The following NEURL1B variants were observed in gnomAD, a reference collection of about 807,000 sequenced individuals.
NEURL1B encodes the protein E3 ubiquitin-protein ligase NEURL1B.
A neutral mutation model predicts 37.4 loss-of-function variants in NEURL1B; 13 were observed. That is an observed-to-expected ratio of 0.35 (90% CI 0.23 to 0.55). The LOEUF (loss-of-function observed/expected upper bound fraction) is 0.55, where lower values mean the gene tolerates loss of function less well. Ranked by LOEUF, NEURL1B falls within the 20% of genes least tolerant of loss-of-function variation. The pLI, the probability that NEURL1B is intolerant of heterozygous loss-of-function variation, is 0.89. For synonymous variants in NEURL1B, 432 were observed against 426.6 expected, an observed-to-expected ratio of 1.01 and a Z score of -0.16; for missense variants, 790 against 879.2, an observed-to-expected ratio of 0.90 and a Z score of 1.28.
At chr5:172,660,794 T>G (rs1042709006) in intron 1 of NEURL1B, among the ~76,000 whole-genome samples, 1 of 152,132 alleles carries the variant, frequency 6.6e-6, no homozygotes, top group African/African-American at 2.4e-5. Flanking sequence ...TGCCCGCCAC[T>G]ACACCCGACT....
In NEURL1B at chr5:172,683,724, G is replaced by T; in HGVS notation, c.883G>T (p.Asp295Tyr). ...CGGGCCCGACGTGAGCCTGTCGGCC[G>T]ACCGCAAAGTGGCCTGCGCACCGCG... is the stretch of plus-strand genomic sequence containing the variant. ...TRGPDVSLSA[D>Y]RKVACAPRPD... The change falls in exon 3 of 5, where the codon GAC becomes TAC. Residue 295 changes from aspartate (D) to tyrosine (Y), a missense_variant. Around this residue, in one of 3 missense-constraint regions of NEURL1B, gnomAD observed 460 missense variants for 407.4 expected, o/e 1.13. Transcript: ENST00000369800. This position sits in a 1 kb window ranked among gnomAD's most constrained non-coding sequence, Gnocchi z 5.6. The T allele has an allele frequency of 7.4e-7, 1 of 1,357,272 alleles. No homozygotes were observed. Among genetic ancestry groups the T allele is most frequent in the South Asian group, 1.5e-5 (1 of 68,590 alleles). The allele number at this position is 1,357,272 out of a possible 1,614,324, so 84.1% of individuals were successfully genotyped here. A position where few individuals can be genotyped will look rare whatever the true frequency, so the allele number is the denominator to read the frequency against.
chr5:172,670,419 T>A, intron 2 of NEURL1B, 89 bp downstream of exon 2: 1 of 1,079,758 alleles, frequency 9.3e-7, no homozygotes, highest in Non-Finnish European at 1.2e-6. Flanking sequence ...CAGTCACTTA[T>A]GGAGAGCTCC....
chr5:172,674,884 G>A (rs1758201513), intron 2 of NEURL1B, among the ~76,000 whole-genome samples: 1 of 152,086 alleles, frequency 6.6e-6, no homozygotes, highest in African/African-American at 2.4e-5. Context: ...TCCCATGAAT[G>A]TATCTTTTGG....
intron 1 of NEURL1B, among the ~76,000 whole-genome samples, chr5:172,645,639 G>A (rs1019599363): frequency 4.6e-5 from 7 of 152,068 alleles, no homozygotes; most frequent in Non-Finnish European, 7.4e-5. Context: ...ACAACTTCAC[G>A]TTCACTTGGG....
intron 2 of NEURL1B, among the ~76,000 whole-genome samples, chr5:172,682,335 G>A (rs908943022): frequency 6.6e-5 from 10 of 152,208 alleles, no homozygotes; most frequent in African/African-American, 2.4e-4. Context: ...AGCACTTTGG[G>A]AGGCCAAGGT....
chr5:172,643,966 G>GAAC (rs1462692574), intron 1 of NEURL1B, among the ~76,000 whole-genome samples: 1 of 151,792 alleles, frequency 6.6e-6, no homozygotes, highest in African/African-American at 2.4e-5. Context: ...AGGCTTCCTT[G>GAAC]GGGTCTCTGC....
chr5:172,651,402 A>G (rs534752732), intron 1 of NEURL1B, among the ~76,000 whole-genome samples: 1 of 152,336 alleles, frequency 6.6e-6, no homozygotes, highest in South Asian at 2.1e-4. Context: ...TGAGGGTATT[A>G]TTCCTTTCCA....
intron 1 of NEURL1B, among the ~76,000 whole-genome samples, chr5:172,643,988 G>T (rs1757516043): frequency 6.6e-6 from 1 of 151,814 alleles, no homozygotes; most frequent in South Asian, 2.1e-4. Context: ...TGAACGAGGG[G>T]CCTGCTGTTG....
chr5:172,648,363 A>G (rs1460108849), intron 1 of NEURL1B, among the ~76,000 whole-genome samples: 1 of 152,204 alleles, frequency 6.6e-6, no homozygotes, highest in African/African-American at 2.4e-5. Flanking sequence ...CTCAAGGGAG[A>G]CAGACACAAA....
At chr5:172,684,279 G>C in intron 3 of NEURL1B, 141 bp downstream of exon 3, 1 of 725,576 alleles carries the variant, frequency 1.4e-6, no homozygotes, top group Non-Finnish European at 1.8e-6. Flanking sequence ...CCAACTTTAA[G>C]CGCCCGGGCA....
intron 2 of NEURL1B, among the ~76,000 whole-genome samples, chr5:172,682,677 G>C (rs1302833555): frequency 6.6e-6 from 1 of 152,234 alleles, no homozygotes; most frequent in Non-Finnish European, 1.5e-5. Flanking sequence ...CCAGGGCCAG[G>C]CACTGTGCTC....
chr5:172,641,427 G>C lies in NEURL1B; in HGVS notation c.21G>C (p.Arg7=). The C allele has an allele frequency of 7.5e-7, 1 of 1,337,272 alleles. No homozygotes were observed. The highest frequency in any genetic ancestry group is 9.6e-7 in the Non-Finnish European group (1 of 1,047,004). 82.8% of individuals were successfully genotyped at this position (1,337,272 alleles called of 1,614,324 possible). A position where few individuals can be genotyped will look rare whatever the true frequency, so the allele number is the denominator to read the frequency against. ...CAGCGATGGGCAACACGGTGCACCG[G>C]ACCCTGCCAGGTACGCCGGGGAGCC... MGNTVH[R]TLPDPSPPAR... Residue 7 remains arginine (R), a synonymous_variant, in exon 1 of 5, where the codon CGG becomes CGC. Coordinates refer to ENST00000369800, the MANE Select transcript of NEURL1B (RefSeq NM_001142651.3). The surrounding 1 kb of genome is among the most constrained non-coding windows in gnomAD (Gnocchi z 6.4).
At chr5:172,660,071 G>A (rs781521578) in intron 1 of NEURL1B, among the ~76,000 whole-genome samples, 24 of 152,106 alleles carry the variant, frequency 1.6e-4, no homozygotes, top group South Asian at 4.1e-4. Context: ...GCCCAGAGCA[G>A]ATGCTCTGTA....
chr5:172,686,917 AG>A lies in NEURL1B; in HGVS notation c.1662del (p.Arg554SerfsTer18), dbSNP rs1311550607. 2 of 1,547,048 alleles carry A rather than the reference AG, an allele frequency of 1.3e-6. No individual in the cohort carries two copies. The highest frequency in any genetic ancestry group is 1.7e-6 in the Non-Finnish European group (2 of 1,144,068). ...CATCAAGGACGTCATTAAGATCTAC[AG>A]GCCATAGCCTAGCCTGCCCACGGGC... ...RPIKDVIKIY[R>X]P On this transcript the variant is annotated frameshift_variant, in exon 5 of 5. Transcript: ENST00000369800. LOFTEE classifies it high-confidence loss of function. This position sits in a 1 kb window ranked among gnomAD's most constrained non-coding sequence, Gnocchi z 7.9.
chr5:172,659,356 C>T (rs1474133320), intron 1 of NEURL1B, among the ~76,000 whole-genome samples: 2 of 152,124 alleles, frequency 1.3e-5, no homozygotes, highest in Non-Finnish European at 2.9e-5. Flanking sequence ...TGGGCACCAC[C>T]CAGGCTGGGG....
intron 1 of NEURL1B, among the ~76,000 whole-genome samples, chr5:172,663,093 C>T (rs1257580654): frequency 1.7e-5 from 2 of 119,898 alleles, no homozygotes; most frequent in Non-Finnish European, 3.6e-5. Flanking sequence ...ACACACCTGT[C>T]GTCCTAGCTA....
chr5:172,667,275 T>TAAA lies in NEURL1B; in HGVS notation c.32-2491_32-2489dup, dbSNP rs55663413. 5.9e-4 allele frequency among the ~76,000 whole-genome samples: 43 copies of TAAA among 72,284 alleles called. 3 individuals are homozygous for TAAA. The highest frequency in any genetic ancestry group is 9.9e-4 in the South Asian group (2 of 2,026). The allele number at this position is 72,284 out of a possible 152,430, so 47.4% of individuals were successfully genotyped here. ...CAACATGGTGAAACCCTGTCTCTAC[T>TAAA]AAAAAAAAAAAAAAAAAAAAATTAG... On this transcript the variant is annotated intron_variant, in intron 1 of 4. Transcript: ENST00000369800.
In NEURL1B at chr5:172,688,037, G is replaced by C. The variant is rs770846009; in HGVS notation, c.*1112G>C. Reference sequence around the variant, plus strand: ...CTGATAAGTATGTTAACTAATGATCGAGACAGTAACGAAAAATGCTGGCAC... The same window carrying C: ...CTGATAAGTATGTTAACTAATGATCCAGACAGTAACGAAAAATGCTGGCAC... On this transcript the variant is annotated 3_prime_UTR_variant, in exon 5 of 5. Coordinates refer to ENST00000369800, the MANE Select transcript of NEURL1B (RefSeq NM_001142651.3). This position sits in a 1 kb window ranked among gnomAD's most constrained non-coding sequence, Gnocchi z 4.3. 6.5e-6 allele frequency: 1 copy of C among 152,690 alleles called. No homozygotes were observed. The highest frequency in any genetic ancestry group is 1.5e-5 in the Non-Finnish European group (1 of 68,064). The allele number at this position is 152,690 out of a possible 1,614,324, so 9.5% of individuals were successfully genotyped here.
At position 172,676,780 on chromosome 5, in the gene NEURL1B, G is replaced by C. The variant is rs1399833075; in HGVS notation, c.577+6450G>C. Among the ~76,000 whole-genome samples the C allele has an allele frequency of 6.6e-6, 1 of 152,240 alleles. No individual in the cohort carries two copies. Among genetic ancestry groups the C allele is most frequent in the Non-Finnish European group, 1.5e-5 (1 of 68,038 alleles). On this transcript the variant is annotated intron_variant, in intron 2 of 4. Transcript: ENST00000369800. This position sits in a 1 kb window ranked among gnomAD's most constrained non-coding sequence, Gnocchi z 4.5. ...GAGCTTGATGTGGGTCATGTCTTCT[G>C]TTCCTTACAAGAATCCTGTGAGGCA...
Sources: allele counts gnomAD v4.1 joint callset (sites outside exome capture counted in the v4.1 genomes callset), GRCh38; gene constraint gnomAD v4.1.1; regional missense constraint gnomAD v4.1.1; non-coding constraint Gnocchi (gnomAD v3.1); transcripts MANE v1.5; gene names NCBI Gene and HGNC (gene_info 2026-07-23, HGNC 2026-07-21).